Variants in SH3BGRL observed in about 807,000 individuals in gnomAD.
SH3BGRL encodes adapter SH3BGRL.
In SH3BGRL, 7 loss-of-function variants were observed where a neutral mutation model predicts 9.8. The ratio of observed to expected loss-of-function variants is 0.72; its 90% CI spans 0.41 to 1.35. The LOEUF is 1.35. Ranked by LOEUF, SH3BGRL falls within the 40% of genes most tolerant of loss-of-function variation. The pLI is 0.01. For missense variants in SH3BGRL, 73 were observed against 84.4 expected (o/e 0.86, Z 0.53); for synonymous variants, 36 against 29.1 (o/e 1.24, Z -0.76).
chrX:81,247,705 T>G (rs752903147), intron 1 of SH3BGRL, among the ~76,000 whole-genome samples: 1 of 111,340 alleles, frequency 9.0e-6, no homozygotes, highest in Admixed American at 9.6e-5. Flanking sequence ...TGGACTCAGT[T>G]TGCTAGTATT....
intron 1 of SH3BGRL, among the ~76,000 whole-genome samples, chrX:81,275,793 G>A (rs940829401): frequency 3.6e-5 from 4 of 111,976 alleles, no homozygotes; most frequent in African/African-American, 1.3e-4. Flanking sequence ...TCTTTTGGGA[G>A]AAATTGAGAA....
chrX:81,251,513 A>G (rs2075710713), intron 1 of SH3BGRL, among the ~76,000 whole-genome samples: 1 of 110,747 alleles, frequency 9.0e-6, no homozygotes, highest in Non-Finnish European at 1.9e-5. Flanking sequence ...TTTAGTTTGA[A>G]TCTCTGTTCT....
chrX:81,226,988 A>G (rs912096679), intron 1 of SH3BGRL, among the ~76,000 whole-genome samples: 3 of 112,145 alleles, frequency 2.7e-5, no homozygotes, highest in African/African-American at 9.7e-5. Flanking sequence ...GTTGTTGGCT[A>G]TGCCATTGTT....
At chrX:81,203,586 C>T (rs751604213) in intron 1 of SH3BGRL, among the ~76,000 whole-genome samples, 113 of 111,955 alleles carry the variant, frequency 1.0e-3, no homozygotes, top group Non-Finnish European at 1.8e-3. Context: ...TGCTCAGAGT[C>T]TCAACTCAAT....
At chrX:81,272,245 T>C (rs1356133733) in intron 1 of SH3BGRL, among the ~76,000 whole-genome samples, 1 of 108,081 alleles carries the variant, frequency 9.3e-6, no homozygotes, top group Non-Finnish European at 1.9e-5. Flanking sequence ...CGTGGCAGTA[T>C]TCATTTAAGA....
chrX:81,210,189 A>G (rs1199048798), intron 1 of SH3BGRL, among the ~76,000 whole-genome samples: 3 of 111,055 alleles, frequency 2.7e-5, no homozygotes, highest in Non-Finnish European at 5.7e-5. Flanking sequence ...TTCAAACACC[A>G]GAGAATATTC....
At chrX:81,252,982 T>C (rs1057302468) in intron 1 of SH3BGRL, among the ~76,000 whole-genome samples, 9 of 112,611 alleles carry the variant, frequency 8.0e-5, no homozygotes, top group Non-Finnish European at 1.3e-4. Context: ...TCATACACTT[T>C]ACTTTCAATA....
chrX:81,283,426 A>G, intron 3 of SH3BGRL, among the ~76,000 whole-genome samples: 1 of 112,065 alleles, frequency 8.9e-6, no homozygotes. Context: ...TTAAGAGAAT[A>G]CTAGTTAACT....
At chrX:81,293,310 C>T (rs983420668) in intron 3 of SH3BGRL, among the ~76,000 whole-genome samples, 3 of 111,570 alleles carry the variant, frequency 2.7e-5, no homozygotes, top group Non-Finnish European at 3.8e-5. Context: ...CTCGGGTATG[C>T]CTTTGTCAGC....
At chrX:81,232,395 AGTG>A (rs2075635683) in intron 1 of SH3BGRL, among the ~76,000 whole-genome samples, 1 of 106,103 alleles carries the variant, frequency 9.4e-6, no homozygotes, top group Non-Finnish European at 1.9e-5. Context: ...GTAGTGAATT[AGTG>A]ATGATGATGA....
At chrX:81,220,733 A>C (rs1201696594) in intron 1 of SH3BGRL, among the ~76,000 whole-genome samples, 2 of 109,494 alleles carry the variant, frequency 1.8e-5, no homozygotes, top group African/African-American at 6.6e-5. Context: ...TTTTCTAAAA[A>C]CCTTTTAAGT....
At chrX:81,252,365 T>C (rs2075713441) in intron 1 of SH3BGRL, among the ~76,000 whole-genome samples, 1 of 112,063 alleles carries the variant, frequency 8.9e-6, no homozygotes, top group Non-Finnish European at 1.9e-5. Context: ...TTATCTATTG[T>C]TGGATCACTA....
intron 1 of SH3BGRL, among the ~76,000 whole-genome samples, chrX:81,252,062 G>C (rs1002377964): frequency 8.9e-6 from 1 of 111,806 alleles, no homozygotes; most frequent in Non-Finnish European, 1.9e-5. Flanking sequence ...CAAATCTATT[G>C]TGAAAAAGTT....
chrX:81,298,452 G>T lies in SH3BGRL; in HGVS notation c.*1225G>T, dbSNP rs1335545675. The T allele has an allele frequency of 1.8e-5, 2 of 110,895 alleles. No homozygotes were observed. The highest frequency in any genetic ancestry group is 3.8e-5 in the Non-Finnish European group (2 of 52,665). The allele number at this position is 110,895 out of a possible 1,213,427, so 9.1% of individuals were successfully genotyped here. On this transcript the variant is annotated 3_prime_UTR_variant, in exon 4 of 4. Coordinates refer to ENST00000373212, the MANE Select transcript of SH3BGRL (RefSeq NM_003022.3). ...TATTGTATGCTGGTCTTTACTTTTT[G>T]CCAAAATCAACATATAATGAAGAGA...
intron 1 of SH3BGRL, among the ~76,000 whole-genome samples, chrX:81,225,229 T>G (rs1176543370): frequency 9.0e-6 from 1 of 111,238 alleles, no homozygotes; most frequent in African/African-American, 3.3e-5. Context: ...AGATCTTCAG[T>G]ATTAGGGGAA....
chrX:81,233,559 C>G (rs759751998), intron 1 of SH3BGRL, among the ~76,000 whole-genome samples: 23 of 111,124 alleles, frequency 2.1e-4, no homozygotes, highest in Admixed American at 2.0e-3. Flanking sequence ...TTTACACTGA[C>G]ATGACTTTGG....
Position 81,202,589 on chromosome X carries a change from A to G in SH3BGRL, c.45+344A>G, listed in dbSNP as rs918596103. ...AAATCGCACACTGGTGAGTTTCAAGAGTGAGACATTTGATGAATACGCCCT... is the reference window on the plus strand; with the variant it reads ...AAATCGCACACTGGTGAGTTTCAAGGGTGAGACATTTGATGAATACGCCCT... On this transcript the variant is annotated intron_variant, in intron 1 of 3. Transcript: ENST00000373212. The G allele has an allele frequency of 5.0e-6, 4 of 805,113 alleles. No homozygotes were observed. In the Admixed American group the frequency reaches 2.2e-4, roughly 44 times the overall value. 66.4% of individuals were successfully genotyped at this position (805,113 alleles called of 1,213,427 possible).
intron 3 of SH3BGRL, among the ~76,000 whole-genome samples, chrX:81,282,522 G>A (rs369091936): frequency 1.2e-3 from 130 of 111,464 alleles, no homozygotes; most frequent in African/African-American, 4.2e-3. Flanking sequence ...AACTCCAAAA[G>A]GAACCTTCAA....
At position 81,221,051 on chromosome X, in the gene SH3BGRL, G is replaced by C. The variant is rs1277654544; in HGVS notation, c.45+18806G>C. On this transcript the variant is annotated intron_variant, in intron 1 of 3. Transcript: ENST00000373212. ...GTCCTAACATATGGTCTATTCTTGAGAATGATCTATGTGCTGAGGAGAAGA... is the reference window on the plus strand; with the variant it reads ...GTCCTAACATATGGTCTATTCTTGACAATGATCTATGTGCTGAGGAGAAGA... Among the ~76,000 whole-genome samples the C allele has an allele frequency of 5.4e-5, 6 of 111,462 alleles. No homozygotes were observed. The East Asian group carries it at 1.4e-3, about 26-fold the overall frequency.
Sources: allele counts gnomAD v4.1 joint callset (sites outside exome capture counted in the v4.1 genomes callset), GRCh38; gene constraint gnomAD v4.1.1; transcripts MANE v1.5; gene names NCBI Gene and HGNC (gene_info 2026-07-23, HGNC 2026-07-21).